Variants in GOT2 observed in about 807,000 individuals in gnomAD.
The protein encoded by GOT2 is aspartate aminotransferase, mitochondrial.
In GOT2, 17 loss-of-function variants were observed where a neutral mutation model predicts 50.0. That is an observed-to-expected ratio of 0.34 (90% CI 0.23 to 0.51). The LOEUF (loss-of-function observed/expected upper bound fraction) is 0.51, where lower values mean the gene tolerates loss of function less well. Among genes scored for constraint, GOT2 ranks in the 20% least tolerant of loss-of-function variants. GOT2 has a pLI of 0.97. For synonymous variants in GOT2, 172 were observed against 204.9 expected, an observed-to-expected ratio of 0.84 and a Z score of 1.37; for missense variants, 430 against 559.6, an observed-to-expected ratio of 0.77 and a Z score of 2.34.
intron 6 of GOT2, 22 bp from the exon 7 acceptor site, chr16:58,716,835 A>C: frequency 6.2e-7 from 1 of 1,612,816 alleles, no homozygotes; most frequent in Non-Finnish European, 8.5e-7. Context: ...CGAAAGATCG[A>C]AGCTTTAGCA....
chr16:58,726,513 G>T (rs866452633), intron 1 of GOT2, among the ~76,000 whole-genome samples: 1 of 42,590 alleles, frequency 2.3e-5, no homozygotes, highest in Non-Finnish European at 4.2e-5. Context: ...ATTTATTTTT[G>T]AGACGGAGTC....
intron 1 of GOT2, among the ~76,000 whole-genome samples, chr16:58,725,812 A>C (rs1352393462): frequency 5.3e-5 from 8 of 152,200 alleles, no homozygotes. Context: ...ATAAGCAATG[A>C]GTGTTGAGAC....
rs996402340 is a variant in GOT2 at position 58,707,506 on chromosome 16, G to A, written c.*665C>T. ...TGTTCTTCATTCTTAAATAAATCTC[G>A]ATAGGATGGAGTTGATGGTCAATCA... is the stretch of plus-strand genomic sequence containing the variant. On this transcript the variant is annotated 3_prime_UTR_variant, in exon 10 of 10. Coordinates refer to ENST00000245206, the MANE Select transcript of GOT2 (RefSeq NM_002080.4). The A allele has an allele frequency of 6.6e-5, 10 of 152,144 alleles. No individual in the cohort carries two copies. Among genetic ancestry groups the A allele is most frequent in the African/African-American group, 1.4e-4 (6 of 41,432 alleles). 9.4% of individuals were successfully genotyped at this position (152,144 alleles called of 1,614,324 possible). A position where few individuals can be genotyped will look rare whatever the true frequency, so the allele number is the denominator to read the frequency against.
chr16:58,726,875 C>T (rs1046773811), intron 1 of GOT2, among the ~76,000 whole-genome samples: 1 of 148,774 alleles, frequency 6.7e-6, no homozygotes, highest in African/African-American at 2.5e-5. Flanking sequence ...GGATCTCGGC[C>T]GGGTGCAGTG....
intron 8 of GOT2, among the ~76,000 whole-genome samples, chr16:58,714,037 T>C (rs1036858642): frequency 4.6e-5 from 7 of 152,110 alleles, no homozygotes; most frequent in Non-Finnish European, 1.0e-4. Context: ...TCATGACCCA[T>C]TGGTAGGTTA....
At chr16:58,731,567 C>A (rs2044835245) in intron 1 of GOT2, among the ~76,000 whole-genome samples, 1 of 152,202 alleles carries the variant, frequency 6.6e-6, no homozygotes, top group Non-Finnish European at 1.5e-5. Flanking sequence ...AAAAGCAAAT[C>A]ATTATAAATC....
intron 8 of GOT2, among the ~76,000 whole-genome samples, chr16:58,710,396 C>CTTTTTTTT (rs774270272): frequency 7.2e-6 from 1 of 138,738 alleles, no homozygotes; most frequent in African/African-American, 2.6e-5. Flanking sequence ...ATTTTCTTTT[C>CTTTTTTTT]TTTTTTTTTT....
chr16:58,723,737 C>G lies in GOT2; in HGVS notation c.246+9G>C. The G allele has an allele frequency of 1.2e-6, 2 of 1,608,778 alleles. No individual in the cohort carries two copies. The highest frequency in any genetic ancestry group is 1.7e-6 in the Non-Finnish European group (2 of 1,175,510). On this transcript the variant is annotated intron_variant, in intron 2 of 9. Transcript: ENST00000245206. ...ATCCCATTCAAAAGGAGATGAACAG[C>G]AAGCTCACCTTGCGGACGCTAGGCA... is the stretch of plus-strand genomic sequence containing the variant.
intron 3 of GOT2, among the ~76,000 whole-genome samples, chr16:58,721,410 T>A (rs1411929790): frequency 1.3e-5 from 2 of 152,230 alleles, no homozygotes; most frequent in Non-Finnish European, 2.9e-5. Context: ...GCTGCCAGAC[T>A]GGTCCAGCCC....
rs774511177 is a variant in GOT2 at position 58,718,349 on chromosome 16, G to A, written c.598-49C>T. The A allele has an allele frequency of 4.7e-6, 7 of 1,487,172 alleles. No homozygotes were observed. In the East Asian group the frequency reaches 1.4e-4, roughly 29 times the overall value. 92.1% of individuals were successfully genotyped at this position (1,487,172 alleles called of 1,614,324 possible). Reference sequence around the variant, plus strand: ...ACGACTTTGCAGCTTTAAAGGAAATGGTTTATCTGAAATGCCACAGGATCG... The same window carrying A: ...ACGACTTTGCAGCTTTAAAGGAAATAGTTTATCTGAAATGCCACAGGATCG... On this transcript the variant is annotated intron_variant, in intron 5 of 9. Transcript: ENST00000245206.
At chr16:58,732,259 G>GTGCCAC (rs2044840042) in intron 1 of GOT2, among the ~76,000 whole-genome samples, 1 of 151,962 alleles carries the variant, frequency 6.6e-6, no homozygotes, top group Non-Finnish European at 1.5e-5. Flanking sequence ...AGCCATGATT[G>GTGCCAC]TGCCACTGCA....
chr16:58,728,995 C>T (rs982090865), intron 1 of GOT2, among the ~76,000 whole-genome samples: 1 of 152,002 alleles, frequency 6.6e-6, no homozygotes, highest in African/African-American at 2.4e-5. Flanking sequence ...CCCTTTTCTG[C>T]TTTTCAATTA....
chr16:58,708,159 G>T lies in GOT2; in HGVS notation c.*12C>A, dbSNP rs769017244. 1 of 1,612,688 alleles carries T rather than the reference G, an allele frequency of 6.2e-7. No homozygotes were observed. The highest frequency in any genetic ancestry group is 2.2e-5 in the East Asian group (1 of 44,828). ...ACAGAAAGGTTGTCTCTGTTTCCTCGCACCAGGGACATTACTTGGTGACCT... is the reference window on the plus strand; with the variant it reads ...ACAGAAAGGTTGTCTCTGTTTCCTCTCACCAGGGACATTACTTGGTGACCT... On this transcript the variant is annotated 3_prime_UTR_variant, in exon 10 of 10. Coordinates refer to ENST00000245206, the MANE Select transcript of GOT2 (RefSeq NM_002080.4).
intron 3 of GOT2, among the ~76,000 whole-genome samples, chr16:58,720,751 G>A (rs573255385): frequency 2.6e-5 from 4 of 151,386 alleles, no homozygotes; most frequent in Non-Finnish European, 5.9e-5. Flanking sequence ...GCTAATTTTT[G>A]TATTTTTAGT....
chr16:58,718,015 G>A (rs118080449), intron 6 of GOT2, among the ~76,000 whole-genome samples, 181 bp downstream of exon 6: 1,860 of 152,302 alleles, frequency 0.012, 15 homozygotes, highest in Middle Eastern at 0.037. Flanking sequence ...ATACTCATGC[G>A]TCATCAATCC....
intron 3 of GOT2, chr16:58,721,786 T>A (rs1343354848): frequency 1.3e-5 from 2 of 155,524 alleles, no homozygotes; most frequent in Non-Finnish European, 2.8e-5. Context: ...CTTAAATTTT[T>A]TTTTTTTTTT....
At position 58,716,044 on chromosome 16, in the gene GOT2, A is replaced by G; in HGVS notation, c.989T>C (p.Ile330Thr). The G allele has an allele frequency of 6.2e-7, 1 of 1,613,402 alleles. No individual in the cohort carries two copies. The highest frequency in any genetic ancestry group is 2.2e-5 in the East Asian group (1 of 44,868). Reference sequence around the variant, plus strand: ...TTTTCGCAAATCTGGGGTGTTCAGAATGGCAGCAGCAATCCGGGCCCCATT... The same window carrying G: ...TTTTCGCAAATCTGGGGTGTTCAGAGTGGCAGCAGCAATCCGGGCCCCATT... ...PLNGARIAAA[I>T]LNTPDLRKQW... is the part of the protein sequence containing the mutation. Residue 330 changes from isoleucine (I) to threonine (T), a missense_variant, in exon 8 of 10, where the codon ATT becomes ACT. Ile to Thr is a moderately conservative substitution (Grantham distance 89, BLOSUM62 -1). Transcript: ENST00000245206.
In GOT2 at chr16:58,707,286, C is replaced by T. The variant is rs1170107081; in HGVS notation, c.*885G>A. The T allele has an allele frequency of 2.0e-5, 3 of 152,122 alleles. No homozygotes were observed. The highest frequency in any genetic ancestry group is 4.4e-5 in the Non-Finnish European group (3 of 68,056). The allele number at this position is 152,122 out of a possible 1,614,324, so 9.4% of individuals were successfully genotyped here. On this transcript the variant is annotated 3_prime_UTR_variant, in exon 10 of 10. Transcript: ENST00000245206. ...CCTCTTTCCTGGTACCACCCTGCGC[C>T]GCTGGACTCACAGTGTGAGATGAGA...
chr16:58,725,055 T>C (rs1159120418), intron 1 of GOT2, among the ~76,000 whole-genome samples: 2 of 152,156 alleles, frequency 1.3e-5, no homozygotes, highest in Non-Finnish European at 2.9e-5. Context: ...GGGGATAAGC[T>C]TTTGGGAGAA....
Sources: allele counts gnomAD v4.1 joint callset (sites outside exome capture counted in the v4.1 genomes callset), GRCh38; gene constraint gnomAD v4.1.1; transcripts MANE v1.5; gene names NCBI Gene and HGNC (gene_info 2026-07-23, HGNC 2026-07-21).